The following ZFPM2 variants were observed in gnomAD, a reference collection of about 807,000 sequenced individuals.
ZFPM2 encodes the protein zinc finger protein, FOG family member 2.
Under a neutral mutation model 98.6 loss-of-function variants are expected in ZFPM2, and 20 were observed. That is an observed-to-expected ratio of 0.20 (90% CI 0.14 to 0.29). The LOEUF (loss-of-function observed/expected upper bound fraction) is 0.29. Among genes scored for constraint, ZFPM2 ranks in the 10% least tolerant of loss-of-function variants. ZFPM2 has a pLI of 1.00. For missense variants in ZFPM2, 1,310 were observed against 1,388.6 expected (o/e 0.94, Z 0.90); for synonymous variants, 518 against 502.7 (o/e 1.03, Z -0.41).
At chr8:105,464,624 T>G (rs1179575628) in intron 3 of ZFPM2, among the ~76,000 whole-genome samples, 2 of 151,680 alleles carry the variant, frequency 1.3e-5, no homozygotes, top group Non-Finnish European at 2.9e-5. Context: ...AAGATGAGGG[T>G]GTAAAAGGGA....
intron 4 of ZFPM2, among the ~76,000 whole-genome samples, chr8:105,584,104 T>G (rs1815661028): frequency 6.6e-6 from 1 of 152,164 alleles, no homozygotes; most frequent in Non-Finnish European, 1.5e-5. Context: ...GTCTTTTTTT[T>G]GGCAGCTGAA....
intron 4 of ZFPM2, among the ~76,000 whole-genome samples, chr8:105,606,373 T>C (rs1402198089): frequency 6.6e-6 from 1 of 151,982 alleles, no homozygotes; most frequent in Non-Finnish European, 1.5e-5. Flanking sequence ...TTTTTTTCAT[T>C]TGAGTTGTTG....
chr8:105,426,780 T>C (rs1429806211), intron 2 of ZFPM2, among the ~76,000 whole-genome samples: 2 of 149,800 alleles, frequency 1.3e-5, no homozygotes, highest in African/African-American at 5.0e-5. Flanking sequence ...ATCCCATCTC[T>C]AAAAATACAA....
chr8:105,392,570 C>G (rs1001644380), intron 1 of ZFPM2, among the ~76,000 whole-genome samples: 3 of 152,134 alleles, frequency 2.0e-5, no homozygotes, highest in Non-Finnish European at 2.9e-5. Context: ...TACCAAAACA[C>G]TTTTCTGAGT....
At chr8:105,322,094 C>G (rs1812036176) in intron 1 of ZFPM2, among the ~76,000 whole-genome samples, 1 of 152,044 alleles carries the variant, frequency 6.6e-6, no homozygotes, top group Non-Finnish European at 1.5e-5. Context: ...TGATAAAAAG[C>G]CCTGATAGGA....
intron 5 of ZFPM2, among the ~76,000 whole-genome samples, chr8:105,769,144 A>T (rs1024110883): frequency 6.6e-6 from 1 of 151,970 alleles, no homozygotes; most frequent in Non-Finnish European, 1.5e-5. Context: ...GTGGATTTTC[A>T]TACTTTTGTT....
intron 1 of ZFPM2, among the ~76,000 whole-genome samples, chr8:105,320,455 C>T (rs1303579521): frequency 6.6e-6 from 1 of 151,222 alleles, no homozygotes; most frequent in Non-Finnish European, 1.5e-5. Flanking sequence ...TTTGAAGACT[C>T]ACTTTTTCAG....
At chr8:105,351,223 TTATGCAA>T (rs1373547993) in intron 1 of ZFPM2, among the ~76,000 whole-genome samples, 1 of 152,004 alleles carries the variant, frequency 6.6e-6, no homozygotes, top group Non-Finnish European at 1.5e-5. Flanking sequence ...TGCATATAAT[TTATGCAA>T]TCCTCCTGTA....
At chr8:105,393,810 G>A (rs1383855085) in intron 1 of ZFPM2, among the ~76,000 whole-genome samples, 3 of 151,830 alleles carry the variant, frequency 2.0e-5, no homozygotes, top group Admixed American at 2.0e-4. Context: ...CTTGGATTTA[G>A]GTCAGAATTA....
Position 105,466,090 on chromosome 8 carries a change from T to C in ZFPM2, c.301+21709T>C, listed in dbSNP as rs567012678. On this transcript the variant is annotated intron_variant, in intron 3 of 7. Transcript: ENST00000407775. ...CCTCATTAAATCTTGTGATGAGTGG[T>C]TTAACTTCGTGGCTTTTCTTAGGTA... Among the ~76,000 whole-genome samples, 18 of 152,140 alleles carry C rather than the reference T, an allele frequency of 1.2e-4. 2 individuals carry two copies. In the South Asian group the frequency reaches 3.7e-3, roughly 32 times the overall value.
intron 3 of ZFPM2, among the ~76,000 whole-genome samples, chr8:105,544,866 T>C (rs577584892): frequency 6.6e-6 from 1 of 152,312 alleles, no homozygotes; most frequent in South Asian, 2.1e-4. Context: ...AGCTTGTTCA[T>C]GGAACCATCT....
chr8:105,408,806 G>A (rs1454192813), intron 1 of ZFPM2, among the ~76,000 whole-genome samples: 2 of 151,796 alleles, frequency 1.3e-5, no homozygotes, highest in Non-Finnish European at 2.9e-5. Context: ...TCCAGGAGCA[G>A]GAGGCACACC....
At chr8:105,324,628 C>T (rs1230180502) in intron 1 of ZFPM2, among the ~76,000 whole-genome samples, 1 of 151,794 alleles carries the variant, frequency 6.6e-6, no homozygotes, top group Non-Finnish European at 1.5e-5. Context: ...TTTTGTTCTT[C>T]CCCATAACCA....
chr8:105,407,241 GA>G (rs1296291987), intron 1 of ZFPM2, among the ~76,000 whole-genome samples: 2 of 151,564 alleles, frequency 1.3e-5, no homozygotes, highest in African/African-American at 4.8e-5. Context: ...CAGTGGCAGG[GA>G]AATAATAACT....
chr8:105,580,432 G>A (rs1043896275), intron 4 of ZFPM2, among the ~76,000 whole-genome samples: 1 of 152,076 alleles, frequency 6.6e-6, no homozygotes, highest in African/African-American at 2.4e-5. Context: ...AGGTACAAAT[G>A]TAGTTGCATC....
chr8:105,746,619 T>G (rs914214064), intron 5 of ZFPM2, among the ~76,000 whole-genome samples: 1 of 151,672 alleles, frequency 6.6e-6, no homozygotes, highest in Non-Finnish European at 1.5e-5. Flanking sequence ...ATGGGAGAGT[T>G]TTGTTTTCTT....
chr8:105,522,552 A>C (rs1238579908), intron 3 of ZFPM2, among the ~76,000 whole-genome samples: 3 of 152,064 alleles, frequency 2.0e-5, no homozygotes, highest in Admixed American at 2.0e-4. Context: ...TGGGCAGATC[A>C]TGAGGTCAGG....
chr8:105,418,103 A>G (rs745724814), intron 1 of ZFPM2, among the ~76,000 whole-genome samples: 1 of 152,138 alleles, frequency 6.6e-6, no homozygotes, highest in Non-Finnish European at 1.5e-5. Flanking sequence ...TAAATTATTT[A>G]TAAGATTGCT....
intron 2 of ZFPM2, among the ~76,000 whole-genome samples, chr8:105,430,636 A>C (rs775797974): frequency 1.9e-4 from 29 of 152,184 alleles, no homozygotes; most frequent in Non-Finnish European, 3.1e-4. Flanking sequence ...AGCAGCCAAG[A>C]ACCTGTTGCT....
Sources: gnomAD v4.1 joint callset for allele counts (sites outside exome capture counted in the v4.1 genomes callset) on GRCh38, gnomAD v4.1.1 for gene constraint, MANE v1.5 for transcripts, NCBI Gene and HGNC (gene_info 2026-07-23, HGNC 2026-07-21) for gene names.